SNAP23: variants seen among roughly 807,000 people sequenced by gnomAD.
SNAP23 encodes synaptosome associated protein 23.
Under a neutral mutation model 29.0 loss-of-function variants are expected in SNAP23, and 11 were observed. That is an observed-to-expected ratio of 0.38 (90% CI 0.24 to 0.63). The LOEUF is 0.63. SNAP23 is among the 20% of genes least tolerant of loss of function. The probability of loss-of-function intolerance (pLI) is 0.58; values close to 1 mark genes in which losing one functional copy is unlikely to be tolerated. For missense variants in SNAP23, 220 were observed against 253.9 expected (o/e 0.87, Z 0.91); for synonymous variants, 60 against 82.9 (o/e 0.72, Z 1.50).
At chr15:42,498,581 G>A (rs1291591834) in intron 1 of SNAP23, among the ~76,000 whole-genome samples, 2 of 152,188 alleles carry the variant, frequency 1.3e-5, no homozygotes, top group South Asian at 2.1e-4. Context: ...GGGAGGGGCT[G>A]CCATGAAGAT....
At chr15:42,494,327 A>T (rs527438462), upstream of SNAP23, among the ~76,000 whole-genome samples, 12 of 151,768 alleles carry the variant, frequency 7.9e-5, no homozygotes, top group African/African-American at 2.4e-4. Flanking sequence ...TTATGAAATT[A>T]AAAAAAACAT....
At chr15:42,530,115 GTTTTA>G (rs1417563670) in intron 7 of SNAP23, among the ~76,000 whole-genome samples, 2 of 152,068 alleles carry the variant, frequency 1.3e-5, no homozygotes. Context: ...TCCCAAATGA[GTTTTA>G]TTTTGTTAAC....
rs1307080905 is a variant in SNAP23, at chr15:42,532,983, A to G, written c.*1505A>G. The stretch of plus-strand genomic sequence containing the variant: ...TTTATTTTAAAATTAGCATCTGAAC[A>G]CTTCAAAGCTGTCAGTGTGTATTGG... On this transcript the variant is annotated 3_prime_UTR_variant, in exon 8 of 8. Transcript: ENST00000249647. 1 of 152,598 alleles carries G rather than the reference A, an allele frequency of 6.6e-6. No homozygotes were observed. The highest frequency in any genetic ancestry group is 1.5e-5 in the Non-Finnish European group (1 of 68,048). The allele number at this position is 152,598 out of a possible 1,614,324, so 9.5% of individuals were successfully genotyped here.
At chr15:42,514,697 ATTC>A (rs755045016) in intron 4 of SNAP23, among the ~76,000 whole-genome samples, 1 of 138,160 alleles carries the variant, frequency 7.2e-6, no homozygotes, top group Non-Finnish European at 1.6e-5. Context: ...ACTATACAAG[ATTC>A]TTTTTTTTTT....
upstream of SNAP23, among the ~76,000 whole-genome samples, chr15:42,492,323 G>T (rs2141485821): frequency 6.6e-6 from 1 of 152,278 alleles, no homozygotes; most frequent in African/African-American, 2.4e-5. Context: ...TATGTGGAGT[G>T]TCCCTCCTAT....
intron 5 of SNAP23, among the ~76,000 whole-genome samples, chr15:42,517,753 C>T (rs895075986): frequency 7.2e-5 from 11 of 152,128 alleles, no homozygotes; most frequent in African/African-American, 1.4e-4. Context: ...CTCTGTCTCC[C>T]GGGCTTGAAT....
upstream of SNAP23, among the ~76,000 whole-genome samples, chr15:42,491,901 T>TTAGTTAGTTAG (rs2057168801): frequency 6.1e-5 from 9 of 146,862 alleles, no homozygotes; most frequent in African/African-American, 2.3e-4. Context: ...TATTTATTTA[T>TTAGTTAGTTAG]TTAGTTAGTT....
upstream of SNAP23, chr15:42,495,319 A>G (rs972277658): frequency 1.3e-5 from 2 of 152,330 alleles, no homozygotes; most frequent in Non-Finnish European, 2.9e-5. Flanking sequence ...ATTTGTTTAC[A>G]TATCTATATC....
At chr15:42,519,684 G>A (rs532249501) in intron 5 of SNAP23, among the ~76,000 whole-genome samples, 1 of 152,040 alleles carries the variant, frequency 6.6e-6, no homozygotes, top group East Asian at 1.9e-4. Context: ...AAAAGTTTTT[G>A]TAGAGATGAG....
chr15:42,525,977 A>C (rs1187362475), intron 5 of SNAP23, among the ~76,000 whole-genome samples: 1 of 152,200 alleles, frequency 6.6e-6, no homozygotes, highest in Non-Finnish European at 1.5e-5. Flanking sequence ...GTTGGAATGC[A>C]TATATATTCC....
At chr15:42,500,545 C>T (rs961605567) in intron 1 of SNAP23, among the ~76,000 whole-genome samples, 5 of 151,956 alleles carry the variant, frequency 3.3e-5, no homozygotes, top group Non-Finnish European at 5.9e-5. Flanking sequence ...TGCGCCACCA[C>T]GCCTGGCTAA....
In SNAP23 at chr15:42,525,451, CTTTTTTTTTTTTT is replaced by C. The variant is rs1158969519; in HGVS notation, c.267-2793_267-2781del. Among the ~76,000 whole-genome samples, 367 of 47,170 alleles carry C rather than the reference CTTTTTTTTTTTTT, an allele frequency of 7.8e-3. 2 individuals carry two copies. The highest frequency in any genetic ancestry group is 0.031 in the African/African-American group (343 of 11,132). The allele number at this position is 47,170 out of a possible 152,430, so 30.9% of individuals were successfully genotyped here. Reference sequence around the variant, plus strand: ...AGAACATCTTCAAAGATCCAGTCTTCTTTTTTTTTTTTTTTTTTTTTTTTTTTTTTGAGACGGA... The same window carrying C: ...AGAACATCTTCAAAGATCCAGTCTTCTTTTTTTTTTTTTTTTTGAGACGGA... On this transcript the variant is annotated intron_variant, in intron 5 of 7. Transcript: ENST00000249647.
intron 1 of SNAP23, among the ~76,000 whole-genome samples, chr15:42,502,246 G>A (rs768207859): frequency 1.1e-4 from 17 of 151,936 alleles, no homozygotes; most frequent in African/African-American, 3.6e-4. Context: ...GGATGGTCTC[G>A]ATCTCCTGAC....
At chr15:42,511,150 A>G (rs1433039130) in intron 1 of SNAP23, among the ~76,000 whole-genome samples, 1 of 152,142 alleles carries the variant, frequency 6.6e-6, no homozygotes, top group Admixed American at 6.6e-5. Flanking sequence ...TTTAGCTTGG[A>G]TGTCTATGAG....
chr15:42,523,179 A>G (rs2057465208), intron 5 of SNAP23, among the ~76,000 whole-genome samples: 1 of 130,414 alleles, frequency 7.7e-6, no homozygotes, highest in African/African-American at 3.5e-5. Context: ...TTAAGTGGGA[A>G]AAAAAAAAAA....
intron 4 of SNAP23, among the ~76,000 whole-genome samples, chr15:42,514,514 T>C (rs1385808262): frequency 6.6e-6 from 1 of 152,140 alleles, no homozygotes; most frequent in Non-Finnish European, 1.5e-5. Flanking sequence ...GATTCAGGTA[T>C]GCTTGGAAAC....
chr15:42,509,565 G>C (rs373433107), intron 1 of SNAP23, among the ~76,000 whole-genome samples: 92 of 150,796 alleles, frequency 6.1e-4, no homozygotes, highest in African/African-American at 2.2e-3. Flanking sequence ...TCAGCCTCCC[G>C]AGTAGCTGGG....
chr15:42,517,987 A>G (rs949715022), intron 5 of SNAP23, among the ~76,000 whole-genome samples: 1 of 151,054 alleles, frequency 6.6e-6, no homozygotes, highest in Non-Finnish European at 1.5e-5. Context: ...CACTGGGATT[A>G]CAGGCTTAAG....
At chr15:42,493,689 G>C (rs897132729), upstream of SNAP23, among the ~76,000 whole-genome samples, 14 of 151,972 alleles carry the variant, frequency 9.2e-5, no homozygotes, top group African/African-American at 3.4e-4. Flanking sequence ...CCTCAATATT[G>C]CTTACCAGTC....
Sources: allele counts gnomAD v4.1 joint callset (sites outside exome capture counted in the v4.1 genomes callset), GRCh38; gene constraint gnomAD v4.1.1; transcripts MANE v1.5; gene names NCBI Gene and HGNC (gene_info 2026-07-23, HGNC 2026-07-21).